Variants in CAMTA1 observed in about 807,000 individuals in gnomAD.
CAMTA1 encodes the protein calmodulin-binding transcription activator 1.
A neutral mutation model predicts 170.9 loss-of-function variants in CAMTA1; 27 were observed. That is an observed-to-expected ratio of 0.16 (90% CI 0.12 to 0.22). The LOEUF is 0.22. CAMTA1 is among the 10% of genes least tolerant of loss of function. The probability of loss-of-function intolerance (pLI) is 1.00; values close to 1 mark genes in which losing one functional copy is unlikely to be tolerated. For synonymous variants in CAMTA1, 833 were observed against 891.5 expected (o/e 0.93, Z 1.17); for missense variants, 1,619 against 2,217.2 (o/e 0.73, Z 5.42).
rs894008309 is a variant in CAMTA1, at chr1:7,738,633, C to T, written c.4182+151C>T. ...AGAACATCGTTGGAGTATCTTCTTT[C>T]CTTGGGGCCACATTTTCATTCGGTG... On this transcript the variant is annotated intron_variant, in intron 16 of 22. Transcript: ENST00000303635. This position sits in a 1 kb window ranked among gnomAD's most constrained non-coding sequence, Gnocchi z 4.9. 2.4e-6 allele frequency: 2 copies of T among 828,546 alleles called. No homozygotes were observed. Among genetic ancestry groups the T allele is most frequent in the African/African-American group, 3.4e-5 (2 of 58,086 alleles). The allele number at this position is 828,546 out of a possible 1,614,324, so 51.3% of individuals were successfully genotyped here. A position where few individuals can be genotyped will look rare whatever the true frequency, so the allele number is the denominator to read the frequency against.
chr1:7,653,097 T>G (rs76367574), intron 7 of CAMTA1, among the ~76,000 whole-genome samples: 4,573 of 152,314 alleles, frequency 0.03, 85 homozygotes, highest in Non-Finnish European at 0.041. Flanking sequence ...TTTCTAATTC[T>G]GCAGGTTGGG....
intron 5 of CAMTA1, among the ~76,000 whole-genome samples, chr1:7,449,612 A>G (rs7540677): frequency 0.25 from 37,973 of 151,550 alleles, 6,090 homozygotes; most frequent in African/African-American, 0.44. Context: ...TCTACTGAAA[A>G]TACAAAAATT....
At position 7,737,299 on chromosome 1, in the gene CAMTA1, G is replaced by T; in HGVS notation, c.3387G>T (p.Leu1129=). The T allele has an allele frequency of 6.2e-7, 1 of 1,614,170 alleles. No homozygotes were observed. The highest frequency in any genetic ancestry group is 8.5e-7 in the Non-Finnish European group (1 of 1,180,022). ...ALGHLEAAVV[L]YKWDRRAISI... is the part of the protein sequence containing the mutation. ...GGCACTTGGAAGCTGCCGTCGTGCT[G>T]TACAAGTGGGACCGTCGGGCCATCT... is the stretch of plus-strand genomic sequence containing the variant. The change falls in exon 15 of 23, where the codon CTG becomes CTT. Residue 1129 remains leucine (L), a synonymous_variant. Coordinates refer to ENST00000303635, the MANE Select transcript of CAMTA1 (RefSeq NM_015215.4).
intron 4 of CAMTA1, among the ~76,000 whole-genome samples, chr1:7,236,304 A>G (rs1663842615): frequency 6.6e-6 from 1 of 152,194 alleles, no homozygotes; most frequent in Admixed American, 6.5e-5. Context: ...AGGGAGAGAT[A>G]AGCAGAGGAG....
chr1:7,404,931 T>C (rs59183510), intron 5 of CAMTA1, among the ~76,000 whole-genome samples: 3,093 of 152,100 alleles, frequency 0.02, 102 homozygotes, highest in African/African-American at 0.07. Context: ...TTTTGGGGTT[T>C]GTTTGTTTGT....
At chr1:7,158,374 A>G (rs1286816622) in intron 4 of CAMTA1, among the ~76,000 whole-genome samples, 1 of 152,224 alleles carries the variant, frequency 6.6e-6, no homozygotes, top group East Asian at 1.9e-4. Context: ...TTTACTGGGA[A>G]AAGACATAAA....
Position 7,748,973 on chromosome 1 carries a change from T to G in CAMTA1, c.4689+1192T>G, listed in dbSNP as rs979456449. ...TTATTTGAAGTAAGCAGTATTTATT[T>G]CCAGTTTACAGATGAAGAAGCTGAA... On this transcript the variant is annotated intron_variant, in intron 19 of 22. Transcript: ENST00000303635. This position sits in a 1 kb window ranked among gnomAD's most constrained non-coding sequence, Gnocchi z 4.7. 2.6e-5 allele frequency among the ~76,000 whole-genome samples: 4 copies of G among 152,186 alleles called. No homozygotes were observed. The highest frequency in any genetic ancestry group is 9.7e-5 in the African/African-American group (4 of 41,434).
At chr1:7,320,301 G>A (rs1678178260) in intron 5 of CAMTA1, among the ~76,000 whole-genome samples, 1 of 152,106 alleles carries the variant, frequency 6.6e-6, no homozygotes. Flanking sequence ...TTTTCTCAGA[G>A]TTTTTGTTTT....
chr1:7,647,281 G>T (rs540008064), intron 7 of CAMTA1, among the ~76,000 whole-genome samples: 1 of 151,908 alleles, frequency 6.6e-6, no homozygotes, highest in African/African-American at 2.4e-5. Flanking sequence ...ATCCAGAAGG[G>T]GGGGGGGCTG....
intron 6 of CAMTA1, among the ~76,000 whole-genome samples, chr1:7,583,784 G>A (rs2095283092): frequency 6.6e-6 from 1 of 152,122 alleles, no homozygotes; most frequent in Non-Finnish European, 1.5e-5. Context: ...ACACAGGGGG[G>A]TTCAACTCCA....
At position 7,375,730 on chromosome 1, in the gene CAMTA1, G is replaced by A. The variant is rs536225569; in HGVS notation, c.439-92100G>A. Among the ~76,000 whole-genome samples the A allele has an allele frequency of 5.9e-5, 9 of 152,326 alleles. No individual in the cohort carries two copies. The South Asian group carries it at 1.7e-3, about 28-fold the overall frequency. ...GTAAATACTGGGGCCTCGATTCCAG[G>A]CAAGAGATGTTAGACTCAGGTTTGT... On this transcript the variant is annotated intron_variant, in intron 5 of 22. Coordinates refer to ENST00000303635, the MANE Select transcript of CAMTA1 (RefSeq NM_015215.4).
intron 7 of CAMTA1, among the ~76,000 whole-genome samples, chr1:7,654,827 C>G (rs201413081): frequency 7.7e-6 from 1 of 130,328 alleles, no homozygotes. Flanking sequence ...CACACACACC[C>G]CTATACACAC....
At position 7,744,259 on chromosome 1, in the gene CAMTA1, G is replaced by A. The variant is rs556723330; in HGVS notation, c.4183-576G>A. On this transcript the variant is annotated intron_variant, in intron 16 of 22. Transcript: ENST00000303635. Reference sequence around the variant, plus strand: ...TGATTCTCCTGCCTCAGCCTCCCACGTAGCTGGGATTATAGGCAAGCACCA... The same window carrying A: ...TGATTCTCCTGCCTCAGCCTCCCACATAGCTGGGATTATAGGCAAGCACCA... Among the ~76,000 whole-genome samples the A allele has an allele frequency of 5.9e-4, 90 of 151,518 alleles. 1 individual carries two copies. The highest frequency in any genetic ancestry group is 1.9e-3 in the African/African-American group (77 of 41,172).
chr1:7,758,347 A>G (rs770422880), intron 22 of CAMTA1, among the ~76,000 whole-genome samples: 31 of 152,344 alleles, frequency 2.0e-4, no homozygotes, highest in Non-Finnish European at 2.8e-4. Flanking sequence ...CTACTCATGC[A>G]TGGAAAGTTG....
chr1:7,249,393 G>A lies in CAMTA1; in HGVS notation c.303-98G>A. ...TATGTTCCAGCAAATGTGGAATATT[G>A]CTTTTCTGTAGAGACTTTTACTGGT... On this transcript the variant is annotated intron_variant, in intron 4 of 22. Transcript: ENST00000303635. The surrounding 1 kb of genome is among the most constrained non-coding windows in gnomAD (Gnocchi z 4.4). 1.7e-6 allele frequency: 2 copies of A among 1,157,532 alleles called. No individual in the cohort carries two copies. The highest frequency in any genetic ancestry group is 2.4e-6 in the Non-Finnish European group (2 of 820,184). The allele number at this position is 1,157,532 out of a possible 1,614,324, so 71.7% of individuals were successfully genotyped here.
At position 7,050,830 on chromosome 1, in the gene CAMTA1, G is replaced by T. The variant is rs1405138115; in HGVS notation, c.235-40474G>T. On this transcript the variant is annotated intron_variant, in intron 3 of 22. Transcript: ENST00000303635. The surrounding 1 kb of genome is among the most constrained non-coding windows in gnomAD (Gnocchi z 4.8). ...GGAGAAGAGGGGACTCTGGGAAGGA[G>T]AAATGGGAACATCACACTGGGGTAT... is the stretch of plus-strand genomic sequence containing the variant. Among the ~76,000 whole-genome samples the T allele has an allele frequency of 6.6e-6, 1 of 152,130 alleles. No individual in the cohort carries two copies. The highest frequency in any genetic ancestry group is 1.5e-5 in the Non-Finnish European group (1 of 68,018).
rs572609285 is a variant in CAMTA1 at position 7,681,124 on chromosome 1, C to T, written c.2914+3391C>T. Among the ~76,000 whole-genome samples, 387 of 152,262 alleles carry T rather than the reference C, an allele frequency of 2.5e-3. 4 individuals carry two copies. Among genetic ancestry groups the T allele is most frequent in the African/African-American group, 8.7e-3 (362 of 41,570 alleles). ...GATCCCGGAGCTGCAGCGCCTCCCC[C>T]AGACCTAGGGGTCTTCCCCTCCCTT... is the stretch of plus-strand genomic sequence containing the variant. On this transcript the variant is annotated intron_variant, in intron 11 of 22. Transcript: ENST00000303635. This position sits in a 1 kb window ranked among gnomAD's most constrained non-coding sequence, Gnocchi z 4.6.
chr1:6,837,859 A>T (rs1253491057), intron 3 of CAMTA1, among the ~76,000 whole-genome samples: 1 of 152,182 alleles, frequency 6.6e-6, no homozygotes, highest in Non-Finnish European at 1.5e-5. Flanking sequence ...TGTGGTGATT[A>T]TGTATTTTTT....
chr1:7,239,270 A>C (rs560912272), intron 4 of CAMTA1, among the ~76,000 whole-genome samples: 13 of 152,220 alleles, frequency 8.5e-5, no homozygotes, highest in Non-Finnish European at 1.5e-4. Context: ...ATCTCATTAC[A>C]TACCCAGTCA....
Sources: gnomAD v4.1 joint callset for allele counts (sites outside exome capture counted in the v4.1 genomes callset) on GRCh38, gnomAD v4.1.1 for gene constraint, Gnocchi (gnomAD v3.1) non-coding constraint, MANE v1.5 for transcripts, NCBI Gene and HGNC (gene_info 2026-07-23, HGNC 2026-07-21) for gene names.